Variants in MYO5A observed in about 807,000 individuals in gnomAD.
MYO5A encodes the protein unconventional myosin-Va.
MYO5A carries 98 observed loss-of-function variants against 249.7 expected under a neutral mutation model. The observed-to-expected ratio is 0.39, with a 90% CI of 0.33 to 0.46. The LOEUF is 0.46. MYO5A is among the 20% of genes least tolerant of loss of function. The pLI is 0.98. For synonymous variants in MYO5A, 778 were observed against 810.6 expected (o/e 0.96, Z 0.68); for missense variants, 1,696 against 2,308.8 (o/e 0.73, Z 5.44).
At position 52,311,207 on chromosome 15, in the gene MYO5A, T is replaced by C. The variant is rs1339809066; in HGVS notation, c.*2489A>G. On this transcript the variant is annotated 3_prime_UTR_variant, in exon 42 of 42. Transcript: ENST00000399233. ...CTGCATGGCAGTGACAGCTACAGCATGACCTGGAAGACCTGAGAAGATTCA... is the reference window on the plus strand; with the variant it reads ...CTGCATGGCAGTGACAGCTACAGCACGACCTGGAAGACCTGAGAAGATTCA... The C allele has an allele frequency of 2.0e-5, 3 of 152,348 alleles. No homozygotes were observed. The highest frequency in any genetic ancestry group is 4.8e-5 in the African/African-American group (2 of 41,464). 9.4% of individuals were successfully genotyped at this position (152,348 alleles called of 1,614,324 possible). A position where few individuals can be genotyped will look rare whatever the true frequency, so the allele number is the denominator to read the frequency against.
At chr15:52,448,504 G>A (rs936729320) in intron 1 of MYO5A, among the ~76,000 whole-genome samples, 2 of 152,136 alleles carry the variant, frequency 1.3e-5, no homozygotes, top group Admixed American at 6.5e-5. Flanking sequence ...AGTTAATGCT[G>A]GAATAAGTTA....
At chr15:52,374,704 G>A (rs7169317) in intron 20 of MYO5A, among the ~76,000 whole-genome samples, 1 of 152,222 alleles carries the variant, frequency 6.6e-6, no homozygotes, top group Admixed American at 6.5e-5. Context: ...CAAGAGGCAA[G>A]GAATGGATTC....
intron 1 of MYO5A, among the ~76,000 whole-genome samples, chr15:52,482,691 T>C (rs571816429): frequency 6.6e-6 from 1 of 152,334 alleles, no homozygotes; most frequent in South Asian, 2.1e-4. Flanking sequence ...GGCAATCTGC[T>C]TAATTTTGCT....
intron 27 of MYO5A, among the ~76,000 whole-genome samples, 192 bp downstream of exon 27, chr15:52,353,413 T>C (rs2040051363): frequency 1.3e-5 from 2 of 152,298 alleles, no homozygotes; most frequent in African/African-American, 2.4e-5. Flanking sequence ...CTGTTAAGAC[T>C]AAAGTCTAGC....
intron 1 of MYO5A, among the ~76,000 whole-genome samples, chr15:52,463,569 T>C (rs2076295848): frequency 6.6e-6 from 1 of 152,222 alleles, no homozygotes; most frequent in Non-Finnish European, 1.5e-5. Context: ...AGTATTTTAG[T>C]ATGCTTTATA....
chr15:52,374,157 T>C (rs1489384274), intron 20 of MYO5A, among the ~76,000 whole-genome samples: 4 of 152,084 alleles, frequency 2.6e-5, no homozygotes, highest in South Asian at 2.1e-4. Flanking sequence ...ATGAAAGAGA[T>C]AAAAATCGTT....
intron 34 of MYO5A, among the ~76,000 whole-genome samples, chr15:52,331,089 C>A (rs1183452462): frequency 6.6e-6 from 1 of 152,152 alleles, no homozygotes; most frequent in Admixed American, 6.5e-5. Context: ...TTCACAAAGG[C>A]CTCATATGGC....
chr15:52,350,041 T>G (rs1203342840), intron 28 of MYO5A, among the ~76,000 whole-genome samples: 1 of 152,248 alleles, frequency 6.6e-6, no homozygotes, highest in Non-Finnish European at 1.5e-5. Context: ...CACGCCATTC[T>G]CCTGCCTCAG....
Position 52,384,280 on chromosome 15 carries a change from T to C in MYO5A, c.1795A>G (p.Ile599Val). The stretch of plus-strand genomic sequence containing the variant: ...GAGGAGGTGGCTGAAGTTGGACTGA[T>C]GGCCTTCTCATCATCTTGAAATAGT... The part of the protein sequence containing the change: ...PELFQDDEKA[I>V]SPTSATSSGR... Residue 599 changes from isoleucine (I) to valine (V), a missense_variant, in exon 15 of 42, where the codon ATC becomes GTC. This residue lies in a region of MYO5A where 277 missense variants were observed against 422.4 expected (regional missense o/e 0.66). Coordinates refer to ENST00000399233, the MANE Select transcript of MYO5A (RefSeq NM_001382347.1). 1 of 1,614,192 alleles carries C rather than the reference T, an allele frequency of 6.2e-7. No individual in the cohort carries two copies. The highest frequency in any genetic ancestry group is 8.5e-7 in the Non-Finnish European group (1 of 1,180,020).
intron 29 of MYO5A, 38 bp downstream of exon 29, chr15:52,348,780 T>TA: frequency 7.0e-7 from 1 of 1,425,110 alleles, no homozygotes; most frequent in Non-Finnish European, 9.4e-7. Flanking sequence ...TAGGATTAAA[T>TA]AGAAGTATTT....
intron 1 of MYO5A, among the ~76,000 whole-genome samples, chr15:52,443,707 CAAAA>C (rs72495071): frequency 4.9e-5 from 4 of 82,126 alleles, no homozygotes; most frequent in African/African-American, 4.7e-5. Flanking sequence ...GACTCCATCT[CAAAA>C]AAAAAAAAAA....
chr15:52,384,411 C>T, intron 14 of MYO5A, 89 bp from the exon 15 acceptor site: 1 of 1,298,920 alleles, frequency 7.7e-7, no homozygotes, highest in South Asian at 1.2e-5. Flanking sequence ...GATTCCCTTC[C>T]TTAAGTAATC....
intron 1 of MYO5A, among the ~76,000 whole-genome samples, chr15:52,450,599 G>T (rs551249043): frequency 5.3e-5 from 8 of 151,726 alleles, no homozygotes; most frequent in African/African-American, 1.9e-4. Flanking sequence ...AACTCAAGAG[G>T]TGGAGGCTGC....
chr15:52,383,011 G>T, intron 16 of MYO5A, 80 bp downstream of exon 16: 1 of 1,244,356 alleles, frequency 8.0e-7, no homozygotes, highest in Non-Finnish European at 1.2e-6. Context: ...AAAATGTAAG[G>T]AAAATATTAG....
intron 20 of MYO5A, among the ~76,000 whole-genome samples, chr15:52,374,260 T>C (rs867161737): frequency 2.6e-5 from 4 of 152,260 alleles, no homozygotes; most frequent in Middle Eastern, 3.2e-3. Flanking sequence ...TTTTGGAGCA[T>C]TGTATCTGTC....
At chr15:52,510,850 G>A (rs1163827148) in intron 1 of MYO5A, among the ~76,000 whole-genome samples, 3 of 152,216 alleles carry the variant, frequency 2.0e-5, no homozygotes, top group Non-Finnish European at 4.4e-5. Flanking sequence ...GATTACAAAT[G>A]AGTCTTACAG....
chr15:52,336,502 G>GT lies in MYO5A; in HGVS notation c.4368dup (p.Gln1457ThrfsTer27). 6.2e-7 allele frequency: 1 copy of GT among 1,608,150 alleles called. No individual in the cohort carries two copies. Among genetic ancestry groups the GT allele is most frequent in the Non-Finnish European group, 8.5e-7 (1 of 1,176,356 alleles). On this transcript the variant is annotated frameshift_variant, in exon 34 of 42. Transcript: ENST00000399233. LOFTEE classifies it high-confidence loss of function. ...ATTTTTTTGGCAAATACTTTCAGTTGTTTTTTCAGTTTACGGACCGTCTTA... is the reference window on the plus strand; with the variant it reads ...ATTTTTTTGGCAAATACTTTCAGTTGTTTTTTTCAGTTTACGGACCGTCTTA...
intron 9 of MYO5A, among the ~76,000 whole-genome samples, chr15:52,399,949 C>T (rs2042675296): frequency 6.6e-6 from 1 of 152,140 alleles, no homozygotes; most frequent in Non-Finnish European, 1.5e-5. Context: ...TAATGTTTTC[C>T]AGCTGCATCC....
At chr15:52,420,052 T>C (rs1376244232) in intron 4 of MYO5A, among the ~76,000 whole-genome samples, 1 of 152,154 alleles carries the variant, frequency 6.6e-6, no homozygotes, top group Non-Finnish European at 1.5e-5. Context: ...ACGCCTGTAA[T>C]CCCAGCACTT....
Sources: allele counts gnomAD v4.1 joint callset (sites outside exome capture counted in the v4.1 genomes callset), GRCh38; gene constraint gnomAD v4.1.1; regional missense constraint gnomAD v4.1.1; transcripts MANE v1.5; gene names NCBI Gene and HGNC (gene_info 2026-07-23, HGNC 2026-07-21).